Variants in NLRP4 observed in about 807,000 individuals in gnomAD.
The protein encoded by NLRP4 is NACHT, LRR and PYD domains-containing protein 4.
In NLRP4, 44 loss-of-function variants were observed where a neutral mutation model predicts 84.7. That is an observed-to-expected ratio of 0.52 (90% CI 0.41 to 0.67). The LOEUF is 0.67. NLRP4 is among the 30% of genes least tolerant of loss of function. The probability of loss-of-function intolerance (pLI) is 0.00; values close to 1 mark genes in which losing one functional copy is unlikely to be tolerated. For missense variants in NLRP4, 1,260 were observed against 1,219.4 expected, an observed-to-expected ratio of 1.03 and a Z score of -0.50; for synonymous variants, 544 against 476.4, an observed-to-expected ratio of 1.14 and a Z score of -1.85.
In NLRP4 at chr19:55,858,891, G is replaced by A; in HGVS notation, c.1498G>A (p.Gly500Arg). The A allele has an allele frequency of 1.2e-6, 2 of 1,614,084 alleles. No individual in the cohort carries two copies. The highest frequency in any genetic ancestry group is 2.2e-5 in the South Asian group (2 of 91,068). Residue 500 changes from glycine to arginine, a missense_variant, in exon 3 of 10, where the codon GGG becomes AGG. By Grantham distance (125) the Gly-to-Arg change is moderately radical. This residue lies in a region of NLRP4 where 712 missense variants were observed against 669.2 expected (regional missense o/e 1.06). Coordinates refer to ENST00000301295, the MANE Select transcript of NLRP4 (RefSeq NM_134444.5). This position sits in a 1 kb window ranked among gnomAD's most constrained non-coding sequence, Gnocchi z 4.2. ...KARRAHWIFLGCFLTGLLNKK... is the reference protein window; with the variant it reads ...KARRAHWIFLRCFLTGLLNKK... ...AAGGAGAGCACATTGGATTTTTTTG[G>A]GGTGTTTTCTAACTGGCCTTTTAAA... is the stretch of plus-strand genomic sequence containing the variant.
rs796441871 is a variant in NLRP4, at chr19:55,851,668, G to T, written c.-65-348G>T. 5.2e-3 allele frequency among the ~76,000 whole-genome samples: 598 copies of T among 114,280 alleles called. 2 individuals are homozygous for T. The highest frequency in any genetic ancestry group is 0.021 in the East Asian group (85 of 3,964). The allele number at this position is 114,280 out of a possible 152,430, so 75.0% of individuals were successfully genotyped here. Reference sequence around the variant, plus strand: ...GTAATGTCCGAGGCTGCGGTGTAATGTCCGAGGCTGCGGTGTAATGTCCGA... The same window carrying T: ...GTAATGTCCGAGGCTGCGGTGTAATTTCCGAGGCTGCGGTGTAATGTCCGA... On this transcript the variant is annotated intron_variant, in intron 1 of 9. Coordinates refer to ENST00000301295, the MANE Select transcript of NLRP4 (RefSeq NM_134444.5).
chr19:55,855,029 G>C (rs114210506), intron 2 of NLRP4, among the ~76,000 whole-genome samples: 1 of 152,108 alleles, frequency 6.6e-6, no homozygotes, highest in African/African-American at 2.4e-5. Context: ...TGGCCACCCA[G>C]TCCAAATTTT....
Position 55,852,109 on chromosome 19 carries a change from G to A in NLRP4, c.29G>A (p.Gly10Asp). 4 of 1,598,590 alleles carry A rather than the reference G, an allele frequency of 2.5e-6. No individual in the cohort carries two copies. Among genetic ancestry groups the A allele is most frequent in the Non-Finnish European group, 3.4e-6 (4 of 1,175,832 alleles). The stretch of plus-strand genomic sequence containing the variant: ...GCAGCCTCTTTCTTCTCTGATTTTG[G>A]TCTTATGTGGTATCTGGAGGAGCTC... MAASFFSDFGLMWYLEELKK... is the reference protein window; with the variant it reads MAASFFSDFDLMWYLEELKK... Residue 10 changes from glycine (G) to aspartate (D), a missense_variant, in exon 2 of 10, where the codon GGT becomes GAT. By Grantham distance (94) the Gly-to-Asp change is moderately conservative (BLOSUM62 -1). Transcript: ENST00000301295.
At chr19:55,852,439 T>G in intron 2 of NLRP4, 79 bp downstream of exon 2, 1 of 824,040 alleles carries the variant, frequency 1.2e-6, no homozygotes, top group East Asian at 2.7e-5. Context: ...TCTGCCTGTC[T>G]ACAACAGGAC....
chr19:55,859,446 A>G (rs1415925458), intron 3 of NLRP4, among the ~76,000 whole-genome samples, 197 bp downstream of exon 3: 1 of 152,156 alleles, frequency 6.6e-6, no homozygotes, highest in Non-Finnish European at 1.5e-5. Flanking sequence ...TTGTGGCTGC[A>G]GTGGCCCCAT....
chr19:55,863,232 C>T (rs1284114357), intron 5 of NLRP4, among the ~76,000 whole-genome samples: 1 of 152,184 alleles, frequency 6.6e-6, no homozygotes, highest in Non-Finnish European at 1.5e-5. Flanking sequence ...GGCTTTATTC[C>T]TGTGAAGTTC....
intron 2 of NLRP4, among the ~76,000 whole-genome samples, chr19:55,855,684 A>G (rs1348890894): frequency 6.6e-6 from 1 of 152,254 alleles, no homozygotes; most frequent in Admixed American, 6.5e-5. Flanking sequence ...CCCATCTACA[A>G]CTGCCCCCTA....
Position 55,840,509 on chromosome 19 carries a change from G to C in NLRP4, c.-66+3575G>C, listed in dbSNP as rs1028062492. Among the ~76,000 whole-genome samples the C allele has an allele frequency of 2.0e-5, 3 of 151,934 alleles. No homozygotes were observed. The East Asian group carries it at 5.8e-4, about 29-fold the overall frequency. ...AGCAATTCTCCTGCCTCAGCCTCCC[G>C]AGTAGCTGGGATTACAGGTGCCTGC... is the stretch of plus-strand genomic sequence containing the variant. On this transcript the variant is annotated intron_variant, in intron 1 of 9. Transcript: ENST00000301295.
chr19:55,854,129 C>G (rs1049557787), intron 2 of NLRP4, among the ~76,000 whole-genome samples: 11 of 151,930 alleles, frequency 7.2e-5, no homozygotes, highest in African/African-American at 2.4e-4. Context: ...GCCACCACAC[C>G]CGGCTAATTT....
intron 6 of NLRP4, among the ~76,000 whole-genome samples, chr19:55,870,120 C>T (rs1985116150): frequency 6.6e-6 from 1 of 151,820 alleles, no homozygotes; most frequent in Non-Finnish European, 1.5e-5. Context: ...AGTTTTGAAC[C>T]TACTGTGATT....
At chr19:55,850,750 C>T (rs1408498898) in intron 1 of NLRP4, among the ~76,000 whole-genome samples, 5 of 134,224 alleles carry the variant, frequency 3.7e-5, no homozygotes, top group Non-Finnish European at 7.9e-5. Flanking sequence ...GTGTACTTCC[C>T]GAGGCTGCGG....
Position 55,862,140 on chromosome 19 carries a change from G to C in NLRP4, c.2167G>C (p.Gly723Arg), listed in dbSNP as rs767555472. 6.2e-7 allele frequency: 1 copy of C among 1,613,822 alleles called. No homozygotes were observed. The highest frequency in any genetic ancestry group is 2.2e-5 in the East Asian group (1 of 44,884). ...CTGTGATGCCTTGAACTACCCAGCA[G>C]GCAACGTCAAAGAGCTAGCGTAAGT... ...SLCDALNYPA[G>R]NVKELALVNC... is the part of the protein sequence containing the mutation. Residue 723 changes from glycine to arginine, a missense_variant, in exon 5 of 10, where the codon GGC becomes CGC. By Grantham distance (125) the Gly-to-Arg change is moderately radical. Around this residue, in one of 3 missense-constraint regions of NLRP4, gnomAD observed 544 missense variants for 531.7 expected, o/e 1.02. Coordinates refer to ENST00000301295, the MANE Select transcript of NLRP4 (RefSeq NM_134444.5).
Position 55,881,577 on chromosome 19 carries a change from T to C in NLRP4, c.2975T>C (p.Val992Ala), listed in dbSNP as rs775936868. Residue 992 changes from valine to alanine, a missense_variant, in exon 10 of 10, where the codon GTA becomes GCA. Transcript: ENST00000301295. ...ITDDCDTITR[V>A]EI ...GACGACTGTGACACAATCACAAGGGTAGAGATCTGATTGCGAGGAACCTGG... is the reference window on the plus strand; with the variant it reads ...GACGACTGTGACACAATCACAAGGGCAGAGATCTGATTGCGAGGAACCTGG... 7.8e-6 allele frequency: 12 copies of C among 1,547,826 alleles called. No homozygotes were observed. Among genetic ancestry groups the C allele is most frequent in the Non-Finnish European group, 1.1e-5 (12 of 1,122,082 alleles).
chr19:55,871,846 C>CTTTTTTTTTT (rs376627745), intron 7 of NLRP4, among the ~76,000 whole-genome samples: 3 of 142,128 alleles, frequency 2.1e-5, no homozygotes, highest in African/African-American at 2.6e-5. Context: ...CAGAAATAAT[C>CTTTTTTTTTT]TTTTTTTTTT....
In NLRP4 at chr19:55,860,055, G is replaced by A. The variant is rs566982209; in HGVS notation, c.1856+806G>A. Among the ~76,000 whole-genome samples, 12 of 142,066 alleles carry A rather than the reference G, an allele frequency of 8.4e-5. No individual in the cohort carries two copies. In the East Asian group the frequency reaches 1.7e-3, roughly 20 times the overall value. The allele number at this position is 142,066 out of a possible 152,430, so 93.2% of individuals were successfully genotyped here. A position where few individuals can be genotyped will look rare whatever the true frequency, so the allele number is the denominator to read the frequency against. On this transcript the variant is annotated intron_variant, in intron 3 of 9. Transcript: ENST00000301295. The stretch of plus-strand genomic sequence containing the variant: ...GGCTGGAGTGCAGTGGCGAGATCTT[G>A]GCTCACTGCAAGCTCCGCCTCCCAG...
At chr19:55,860,589 C>A (rs895085580) in intron 3 of NLRP4, among the ~76,000 whole-genome samples, 6 of 151,442 alleles carry the variant, frequency 4.0e-5, no homozygotes, top group African/African-American at 1.5e-4. Flanking sequence ...ATCTCAAAAA[C>A]CAAAAGAATC....
At chr19:55,860,236 C>T (rs1161679800) in intron 3 of NLRP4, among the ~76,000 whole-genome samples, 5 of 152,070 alleles carry the variant, frequency 3.3e-5, no homozygotes, top group Non-Finnish European at 5.9e-5. Flanking sequence ...CTGCCCACCT[C>T]GGCCTCTCAA....
chr19:55,878,817 G>A lies in NLRP4; in HGVS notation c.2720G>A (p.Ser907Asn), dbSNP rs763944066. 1 of 1,612,654 alleles carries A rather than the reference G, an allele frequency of 6.2e-7. No individual in the cohort carries two copies. Among genetic ancestry groups the A allele is most frequent in the Admixed American group, 1.7e-5 (1 of 59,762 alleles). ...ILGLEECGLT[S>N]TCCKDLASVL... ...AGGTTGGAAGAATGTGGGTTAACGA[G>A]CACCTGCTGTAAGGATCTCGCGTCT... is the stretch of plus-strand genomic sequence containing the variant. The change falls in exon 9 of 10, where the codon AGC becomes AAC. Residue 907 changes from serine to asparagine, a missense_variant. This residue lies in a region of NLRP4 where 544 missense variants were observed against 531.7 expected (regional missense o/e 1.02). Transcript: ENST00000301295.
At position 55,867,878 on chromosome 19, in the gene NLRP4, T is replaced by G; in HGVS notation, c.2354+2T>G. 1 of 1,613,250 alleles carries G rather than the reference T, an allele frequency of 6.2e-7. No homozygotes were observed. Among genetic ancestry groups the G allele is most frequent in the Non-Finnish European group, 8.5e-7 (1 of 1,179,506 alleles). ...AGACACGGTCCTGGTATACCTGATG[T>G]GAGTGGATGTTGGGGGTGCCTACTG... On this transcript the variant is annotated splice_donor_variant, in intron 6 of 9. Coordinates refer to ENST00000301295, the MANE Select transcript of NLRP4 (RefSeq NM_134444.5). LOFTEE classifies it high-confidence loss of function.
Sources: gnomAD v4.1 joint callset for allele counts (sites outside exome capture counted in the v4.1 genomes callset) on GRCh38, gnomAD v4.1.1 for gene constraint, gnomAD v4.1.1 regional missense constraint, Gnocchi (gnomAD v3.1) non-coding constraint, MANE v1.5 for transcripts, NCBI Gene and HGNC (gene_info 2026-07-23, HGNC 2026-07-21) for gene names.